Variants in ELP4 observed in about 807,000 individuals in gnomAD.
ELP4 encodes the protein elongator acetyltransferase complex subunit 4.
Under a neutral mutation model 48.9 loss-of-function variants are expected in ELP4, and 51 were observed. The observed-to-expected ratio is 1.04, with a 90% CI of 0.83 to 1.32. The LOEUF (loss-of-function observed/expected upper bound fraction) is 1.32, where lower values mean the gene tolerates loss of function less well. ELP4 is among the 40% of genes most tolerant of loss of function. The pLI, the probability that ELP4 is intolerant of heterozygous loss-of-function variation, is 0.00. For missense variants in ELP4, 519 were observed against 514.6 expected, an observed-to-expected ratio of 1.01 and a Z score of -0.08; for synonymous variants, 210 against 189.2, an observed-to-expected ratio of 1.11 and a Z score of -0.90.
At chr11:31,570,199 T>C (rs554254376) in intron 3 of ELP4, among the ~76,000 whole-genome samples, 25 of 152,330 alleles carry the variant, frequency 1.6e-4, no homozygotes, top group African/African-American at 6.0e-4. Flanking sequence ...TCATGTCCTT[T>C]GCAGCAACAT....
intron 9 of ELP4, among the ~76,000 whole-genome samples, chr11:31,668,698 GTGTGTGTGTGTGTGTGTGTGTGTA>G (rs1045648944): frequency 2.1e-5 from 3 of 141,748 alleles, no homozygotes; most frequent in African/African-American, 8.3e-5. Context: ...GTGTGTGTGT[GTGTGTGTGTGTGTGTGTGTGTGTA>G]AGAACCCTGT....
At position 31,603,761 on chromosome 11, in the gene ELP4, T is replaced by G. The variant is rs1311297607; in HGVS notation, c.514-7T>G. 4 of 1,606,190 alleles carry G rather than the reference T, an allele frequency of 2.5e-6. No individual in the cohort carries two copies. The African/African-American group carries it at 4.0e-5, about 16-fold the overall frequency. ...TTTAACAACCACTATGGGGTTTATT[T>G]TAGCAGATTGGACCAGTATCATCTT... On this transcript the variant is annotated splice_polypyrimidine_tract_variant and splice_region_variant and intron_variant, in intron 4 of 9. Transcript: ENST00000640961.
At chr11:31,528,509 A>G (rs919495810) in intron 2 of ELP4, among the ~76,000 whole-genome samples, 11 of 152,138 alleles carry the variant, frequency 7.2e-5, no homozygotes, top group African/African-American at 2.4e-4. Context: ...TTCAGTATGT[A>G]TATTAGATTC....
chr11:31,738,266 TAGCC>T lies in ELP4; in HGVS notation c.1144-45124_1144-45121del, dbSNP rs1315585437. On this transcript the variant is annotated intron_variant, in intron 9 of 9. Coordinates refer to ENST00000640961, the MANE Select transcript of ELP4 (RefSeq NM_019040.5). ...AAAAAAAAAAAAAAAAATTAATACT[TAGCC>T]AGGCATGGTGATGCATGCCTGTAGT... is the stretch of plus-strand genomic sequence containing the variant. 2.1e-5 allele frequency among the ~76,000 whole-genome samples: 3 copies of T among 143,634 alleles called. No homozygotes were observed. In the Admixed American group the frequency reaches 2.1e-4, roughly 10 times the overall value. 94.2% of individuals were successfully genotyped at this position (143,634 alleles called of 152,430 possible). A position where few individuals can be genotyped will look rare whatever the true frequency, so the allele number is the denominator to read the frequency against.
At chr11:31,756,294 A>G (rs1947830598) in intron 9 of ELP4, among the ~76,000 whole-genome samples, 1 of 152,162 alleles carries the variant, frequency 6.6e-6, no homozygotes, top group Non-Finnish European at 1.5e-5. Flanking sequence ...AAAAGCCTTC[A>G]TTGATTCACC....
chr11:31,569,509 G>C lies in ELP4; in HGVS notation c.382-25261G>C, dbSNP rs1449202286. 3.3e-5 allele frequency among the ~76,000 whole-genome samples: 5 copies of C among 152,138 alleles called. No individual in the cohort carries two copies. In the East Asian group the frequency reaches 9.6e-4, roughly 29 times the overall value. On this transcript the variant is annotated intron_variant, in intron 3 of 9. Transcript: ENST00000640961. ...CTGACACCTGTAAACCCAGCACTTT[G>C]GGAGGCCGAGGTGAGTGGATTACCT...
chr11:31,545,956 G>A (rs893368679), intron 3 of ELP4, among the ~76,000 whole-genome samples: 1 of 151,626 alleles, frequency 6.6e-6, no homozygotes, highest in Non-Finnish European at 1.5e-5. Context: ...TCACCACCAG[G>A]CCTGCCCTAA....
chr11:31,560,718 A>G (rs2984808), intron 3 of ELP4, among the ~76,000 whole-genome samples: 8 of 148,770 alleles, frequency 5.4e-5, no homozygotes, highest in African/African-American at 2.0e-4. Context: ...ACGTTGTTTT[A>G]TATATATATA....
chr11:31,728,459 A>G (rs1947121215), intron 9 of ELP4, among the ~76,000 whole-genome samples: 1 of 152,206 alleles, frequency 6.6e-6, no homozygotes, highest in Non-Finnish European at 1.5e-5. Flanking sequence ...ATTGTGACAA[A>G]CATAAATGTT....
chr11:31,600,765 A>G (rs1008220740), intron 4 of ELP4, among the ~76,000 whole-genome samples: 1 of 152,180 alleles, frequency 6.6e-6, no homozygotes, highest in Non-Finnish European at 1.5e-5. Flanking sequence ...GATGTCTGGT[A>G]TGCTATACTG....
intron 9 of ELP4, among the ~76,000 whole-genome samples, chr11:31,764,052 A>T (rs1008228925): frequency 6.6e-6 from 1 of 152,172 alleles, no homozygotes; most frequent in Non-Finnish European, 1.5e-5. Flanking sequence ...TCTTTCAAGG[A>T]ATCCCAGTTT....
At chr11:31,679,497 C>G (rs1459697952) in intron 9 of ELP4, among the ~76,000 whole-genome samples, 1 of 152,102 alleles carries the variant, frequency 6.6e-6, no homozygotes, top group Non-Finnish European at 1.5e-5. Context: ...GACTGTTTCT[C>G]CCTACGTTTT....
At chr11:31,516,950 TAA>T (rs1454200731) in intron 1 of ELP4, among the ~76,000 whole-genome samples, 2 of 152,210 alleles carry the variant, frequency 1.3e-5, no homozygotes, top group Non-Finnish European at 2.9e-5. Flanking sequence ...TGTAAATATA[TAA>T]ACTTAAACAT....
chr11:31,779,423 C>G (rs994202240), intron 9 of ELP4, among the ~76,000 whole-genome samples: 2 of 152,124 alleles, frequency 1.3e-5, no homozygotes, highest in Non-Finnish European at 2.9e-5. Context: ...AACTGTTGAG[C>G]CAGGAATTCC....
chr11:31,679,678 A>G (rs995622433), intron 9 of ELP4, among the ~76,000 whole-genome samples: 5 of 152,286 alleles, frequency 3.3e-5, no homozygotes, highest in African/African-American at 1.2e-4. Context: ...GCTTTACCAT[A>G]TGAATTTTGA....
chr11:31,629,106 T>C (rs1241718651), intron 6 of ELP4, among the ~76,000 whole-genome samples: 1 of 152,062 alleles, frequency 6.6e-6, no homozygotes, highest in Non-Finnish European at 1.5e-5. Flanking sequence ...GTGTAGCTCA[T>C]CTGTAAAAAT....
intron 9 of ELP4, among the ~76,000 whole-genome samples, chr11:31,732,586 G>A (rs899280188): frequency 6.6e-6 from 1 of 152,012 alleles, no homozygotes; most frequent in African/African-American, 2.4e-5. Context: ...AAATGTAAAT[G>A]GATTAAACTG....
intron 3 of ELP4, among the ~76,000 whole-genome samples, chr11:31,546,438 T>C (rs1213128635): frequency 6.6e-6 from 1 of 152,094 alleles, no homozygotes; most frequent in African/African-American, 2.4e-5. Flanking sequence ...GAGCTAACTA[T>C]CCTAAATATA....
chr11:31,750,612 A>G (rs949189138), intron 9 of ELP4, among the ~76,000 whole-genome samples: 1 of 152,058 alleles, frequency 6.6e-6, no homozygotes, highest in African/African-American at 2.4e-5. Flanking sequence ...TTCTTCCATA[A>G]AAAGTGTTGT....
Sources: gnomAD v4.1 joint callset for allele counts (sites outside exome capture counted in the v4.1 genomes callset) on GRCh38, gnomAD v4.1.1 for gene constraint, MANE v1.5 for transcripts, NCBI Gene and HGNC (gene_info 2026-07-23, HGNC 2026-07-21) for gene names.